Variants in CYP4F11 observed in about 807,000 individuals in gnomAD.
The protein encoded by CYP4F11 is cytochrome P450 4F11.
A neutral mutation model predicts 62.2 loss-of-function variants in CYP4F11; 79 were observed. That is an observed-to-expected ratio of 1.27 (90% confidence interval 1.06 to 1.53). CYP4F11 has a LOEUF of 1.53. Ranked by LOEUF, CYP4F11 falls within the 40% of genes most tolerant of loss-of-function variation. The pLI, the probability that CYP4F11 is intolerant of heterozygous loss-of-function variation, is 0.00. For missense variants in CYP4F11, 777 were observed against 680.5 expected (o/e 1.14, Z -1.58); for synonymous variants, 290 against 263.7 (o/e 1.10, Z -0.97).
rs2089544588 is a variant in CYP4F11 at position 15,912,741 on chromosome 19, A to ATG, written c.*990_*991insCA. 1.1e-4 allele frequency: 4 copies of ATG among 35,722 alleles called. No individual in the cohort carries two copies. Among genetic ancestry groups the ATG allele is most frequent in the East Asian group, 2.6e-3 (1 of 388 alleles). 2.2% of individuals were successfully genotyped at this position (35,722 alleles called of 1,614,324 possible). A position where few individuals can be genotyped will look rare whatever the true frequency, so the allele number is the denominator to read the frequency against. On this transcript the variant is annotated 3_prime_UTR_variant, in exon 12 of 12. Coordinates refer to ENST00000402119, the MANE Select transcript of CYP4F11 (RefSeq NM_021187.4). ...TGTGTGTGTGTGTGTGTGTATATGT[A>ATG]TATATGTGTGTGTGTGTGTGTGTGT... is the stretch of plus-strand genomic sequence containing the variant.
chr19:15,918,463 T>A (rs2089598821), intron 8 of CYP4F11, among the ~76,000 whole-genome samples: 1 of 152,158 alleles, frequency 6.6e-6, no homozygotes, highest in Admixed American at 6.5e-5. Flanking sequence ...AATAATAATG[T>A]AATACTCTTG....
chr19:15,934,638 T>G (rs767655376), upstream of CYP4F11: 42 of 495,552 alleles, frequency 8.5e-5, no homozygotes, highest in East Asian at 1.6e-3. Context: ...AGAGGCTGAT[T>G]AGAATCCAAA....
In CYP4F11 at chr19:15,912,680, A is replaced by AAAAATAT. The variant is rs59091525; in HGVS notation, c.*1051_*1052insATATTTT. On this transcript the variant is annotated 3_prime_UTR_variant, in exon 12 of 12. Transcript: ENST00000402119. The stretch of plus-strand genomic sequence containing the variant: ...TCACCATCCTCAGGAAAAAAAAAAA[A>AAAAATAT]ATATATATATATATATATGTGTGTG... 24 of 66,140 alleles carry AAAAATAT rather than the reference A, an allele frequency of 3.6e-4. No individual in the cohort carries two copies. Among genetic ancestry groups the AAAAATAT allele is most frequent in the South Asian group, 6.9e-4 (1 of 1,442 alleles). 4.1% of individuals were successfully genotyped at this position (66,140 alleles called of 1,614,324 possible).
chr19:15,918,137 G>A (rs552912590), intron 8 of CYP4F11, among the ~76,000 whole-genome samples: 4 of 152,266 alleles, frequency 2.6e-5, no homozygotes, highest in African/African-American at 7.2e-5. Context: ...TCCTTTGCAG[G>A]AACATGGATG....
At chr19:15,927,565 G>T in intron 2 of CYP4F11, 82 bp from the exon 3 acceptor site, 1 of 1,579,810 alleles carries the variant, frequency 6.3e-7, no homozygotes, top group Admixed American at 1.7e-5. Context: ...CCCAGCCAGG[G>T]GTGTGCACTT....
rs1425982862 is a variant in CYP4F11, at chr19:15,925,756, ACACCC to A, written c.526-879_526-875del. Among the ~76,000 whole-genome samples, 8 of 150,804 alleles carry A rather than the reference ACACCC, an allele frequency of 5.3e-5. No homozygotes were observed. The East Asian group carries it at 1.6e-3, about 29-fold the overall frequency. ...CACACACACACACACACACACACAC[ACACCC>A]TGTAGTTGTTTGGGCCGTTTCTCAG... On this transcript the variant is annotated intron_variant, in intron 4 of 11. Coordinates refer to ENST00000402119, the MANE Select transcript of CYP4F11 (RefSeq NM_021187.4).
intron 1 of CYP4F11, 109 bp from the exon 2 acceptor site, chr19:15,929,710 C>G: frequency 8.0e-7 from 1 of 1,245,374 alleles, no homozygotes; most frequent in Admixed American, 2.4e-5. Flanking sequence ...ATAAAACATG[C>G]TGGTAAAACA....
At chr19:15,929,317 G>A in intron 2 of CYP4F11, 140 bp downstream of exon 2, 1 of 1,153,142 alleles carries the variant, frequency 8.7e-7, no homozygotes, top group Non-Finnish European at 1.3e-6. Context: ...AATACATGAA[G>A]GAAAGAGGAA....
intron 1 of CYP4F11, among the ~76,000 whole-genome samples, chr19:15,930,665 G>A (rs557713197): frequency 6.6e-6 from 1 of 152,314 alleles, no homozygotes; most frequent in African/African-American, 2.4e-5. Flanking sequence ...GTCTGCTCAA[G>A]AGGATGTGTT....
chr19:15,915,015 T>C, intron 8 of CYP4F11, 120 bp from the exon 9 acceptor site: 1 of 1,441,868 alleles, frequency 6.9e-7, no homozygotes, highest in South Asian at 1.5e-5. Flanking sequence ...ATGGATGAAA[T>C]ACTGGAGAAT....
chr19:15,916,024 T>C (rs1356266931), intron 8 of CYP4F11, among the ~76,000 whole-genome samples: 1 of 152,068 alleles, frequency 6.6e-6, no homozygotes, highest in Non-Finnish European at 1.5e-5. Flanking sequence ...AAAAGATACA[T>C]TTCACCATAG....
intron 2 of CYP4F11, among the ~76,000 whole-genome samples, chr19:15,928,739 T>A (rs1279116809): frequency 6.6e-6 from 1 of 152,160 alleles, no homozygotes; most frequent in Non-Finnish European, 1.5e-5. Context: ...AAGCACAGGA[T>A]GAGCAGAGGT....
At position 15,914,586 on chromosome 19, in the gene CYP4F11, G is replaced by A. The variant is rs778045739; in HGVS notation, c.1314+16C>T. Reference sequence around the variant, plus strand: ...TGGAATGGACTCCAAAAAGGGTGGGGTGAGGGAGGCACTACCTCAGGGTCT... The same window carrying A: ...TGGAATGGACTCCAAAAAGGGTGGGATGAGGGAGGCACTACCTCAGGGTCT... On this transcript the variant is annotated intron_variant, in intron 10 of 11. Coordinates refer to ENST00000402119, the MANE Select transcript of CYP4F11 (RefSeq NM_021187.4). The A allele has an allele frequency of 2.5e-6, 4 of 1,613,882 alleles. No homozygotes were observed. Among genetic ancestry groups the A allele is most frequent in the Admixed American group, 3.3e-5 (2 of 60,004 alleles).
chr19:15,928,833 G>A (rs984873433), intron 2 of CYP4F11, among the ~76,000 whole-genome samples: 24 of 152,162 alleles, frequency 1.6e-4, no homozygotes, highest in Admixed American at 1.3e-3. Flanking sequence ...TAGGGTGGAT[G>A]AGTGACAGGA....
At chr19:15,931,592 ATGAG>A (rs2089721922) in intron 1 of CYP4F11, among the ~76,000 whole-genome samples, 3 of 113,368 alleles carry the variant, frequency 2.6e-5, no homozygotes, top group East Asian at 5.0e-4. Flanking sequence ...GAGGAGAGGA[ATGAG>A]TGAGTGAGGA....
Position 15,912,713 on chromosome 19 carries a change from G to GTATATATATA in CYP4F11, c.*1018_*1019insTATATATATA, listed in dbSNP as rs1427123730. ...TATATATATATGTGTGTGTGTGTGTGTGTGTGTGTGTGTGTGTGTGTATAT... is the reference window on the plus strand; with the variant it reads ...TATATATATATGTGTGTGTGTGTGTGTATATATATATGTGTGTGTGTGTGTGTGTGTATAT... On this transcript the variant is annotated 3_prime_UTR_variant, in exon 12 of 12. Transcript: ENST00000402119. The GTATATATATA allele has an allele frequency of 2.9e-5, 2 of 68,114 alleles. No homozygotes were observed. The highest frequency in any genetic ancestry group is 5.5e-5 in the Non-Finnish European group (2 of 36,486). The allele number at this position is 68,114 out of a possible 1,614,324, so 4.2% of individuals were successfully genotyped here.
At chr19:15,932,365 G>C (rs188248018) in intron 1 of CYP4F11, among the ~76,000 whole-genome samples, 4 of 82,876 alleles carry the variant, frequency 4.8e-5, no homozygotes, top group Non-Finnish European at 4.8e-5. Flanking sequence ...AGTGAGCGGG[G>C]AGAGGAATGA....
At position 15,912,706 on chromosome 19, in the gene CYP4F11, T is replaced by G. The variant is rs1292609793; in HGVS notation, c.*1026A>C. 13 of 46,306 alleles carry G rather than the reference T, an allele frequency of 2.8e-4. No individual in the cohort carries two copies. The highest frequency in any genetic ancestry group is 2.3e-3 in the Admixed American group (10 of 4,274). 2.9% of individuals were successfully genotyped at this position (46,306 alleles called of 1,614,324 possible). A position where few individuals can be genotyped will look rare whatever the true frequency, so the allele number is the denominator to read the frequency against. The stretch of plus-strand genomic sequence containing the variant: ...ATATATATATATATATATGTGTGTG[T>G]GTGTGTGTGTGTGTGTGTGTGTGTG... On this transcript the variant is annotated 3_prime_UTR_variant, in exon 12 of 12. Coordinates refer to ENST00000402119, the MANE Select transcript of CYP4F11 (RefSeq NM_021187.4).
Position 15,923,257 on chromosome 19 carries a change from C to CTCTG in CYP4F11, c.918+554_918+555insCAGA, listed in dbSNP as rs770624925. On this transcript the variant is annotated intron_variant, in intron 6 of 11. Coordinates refer to ENST00000402119, the MANE Select transcript of CYP4F11 (RefSeq NM_021187.4). The stretch of plus-strand genomic sequence containing the variant: ...AAACATCCTCTCTCTCTCTCTCTCT[C>CTCTG]TCTCTCTCTCTCTCTCTCTCTCTTT... 3.4e-3 allele frequency among the ~76,000 whole-genome samples: 522 copies of CTCTG among 151,490 alleles called. 1 individual carries two copies. Among genetic ancestry groups the CTCTG allele is most frequent in the Non-Finnish European group, 5.0e-3 (341 of 67,822 alleles).
Sources: gnomAD v4.1 joint callset for allele counts (sites outside exome capture counted in the v4.1 genomes callset) on GRCh38, gnomAD v4.1.1 for gene constraint, MANE v1.5 for transcripts, NCBI Gene and HGNC (gene_info 2026-07-23, HGNC 2026-07-21) for gene names.